Variants in SLC1A7 observed in about 807,000 individuals in gnomAD.
SLC1A7 encodes excitatory amino acid transporter 5.
In SLC1A7, 40 loss-of-function variants were observed where a neutral mutation model predicts 47.7. The observed-to-expected ratio is 0.84, with a 90% CI of 0.65 to 1.09. The LOEUF is 1.09. Ranked by LOEUF, SLC1A7 falls within the 50% of genes least tolerant of loss-of-function variation. The pLI, the probability that SLC1A7 is intolerant of heterozygous loss-of-function variation, is 0.00. For synonymous variants in SLC1A7, 323 were observed against 325.6 expected (o/e 0.99, Z 0.09); for missense variants, 746 against 769.5 (o/e 0.97, Z 0.36).
intron 1 of SLC1A7, among the ~76,000 whole-genome samples, chr1:53,135,978 G>C (rs1644988525): frequency 6.6e-6 from 1 of 151,866 alleles, no homozygotes; most frequent in Non-Finnish European, 1.5e-5. Context: ...GGGGACTCTT[G>C]AGATCTTCTA....
At chr1:53,110,556 T>C (rs1644691249) in intron 3 of SLC1A7, among the ~76,000 whole-genome samples, 1 of 152,144 alleles carries the variant, frequency 6.6e-6, no homozygotes, top group Non-Finnish European at 1.5e-5. Context: ...CACGTGTTTC[T>C]GATCTGGAGC....
intron 1 of SLC1A7, among the ~76,000 whole-genome samples, chr1:53,139,689 C>T (rs1284377642): frequency 1.3e-5 from 2 of 152,212 alleles, no homozygotes; most frequent in African/African-American, 4.8e-5. Context: ...ACTAAGATTC[C>T]AGCTTTCTGT....
chr1:53,096,387 AGGTACACTCACACGCCTCGCCTC>A (rs1644491039), intron 5 of SLC1A7, among the ~76,000 whole-genome samples: 2 of 125,284 alleles, frequency 1.6e-5, no homozygotes, highest in African/African-American at 6.2e-5. Context: ...CATCCCGCCT[AGGTACACTCACACGCCTCGCCTC>A]GGTACACTCA....
intron 3 of SLC1A7, among the ~76,000 whole-genome samples, chr1:53,113,168 T>C (rs915335844): frequency 2.0e-5 from 3 of 152,172 alleles, no homozygotes; most frequent in Non-Finnish European, 4.4e-5. Context: ...GACCAGGAAG[T>C]GAGAGGTACT....
At chr1:53,125,034 G>A (rs899944238) in intron 2 of SLC1A7, among the ~76,000 whole-genome samples, 2 of 152,144 alleles carry the variant, frequency 1.3e-5, no homozygotes, top group Admixed American at 6.5e-5. Context: ...TGGCCTGCTC[G>A]GGGAAGAATG....
At chr1:53,090,446 C>G (rs1644407333) in intron 8 of SLC1A7, 166 bp downstream of exon 8, 4 of 1,141,838 alleles carry the variant, frequency 3.5e-6, no homozygotes, top group African/African-American at 1.6e-5. Context: ...AATGCCCTCC[C>G]TCCCGGGCTG....
chr1:53,106,883 A>T (rs950459124), intron 3 of SLC1A7, among the ~76,000 whole-genome samples: 6 of 152,082 alleles, frequency 3.9e-5, no homozygotes, highest in African/African-American at 1.4e-4. Flanking sequence ...AGCTGGGCAC[A>T]GTAGTTCATG....
At chr1:53,093,592 G>C in intron 5 of SLC1A7, 32 bp from the exon 6 acceptor site, 4 of 1,542,824 alleles carry the variant, frequency 2.6e-6, no homozygotes, top group Non-Finnish European at 2.6e-6. Context: ...CTGTGGTAAA[G>C]CAGGGACAGA....
intron 7 of SLC1A7, 92 bp downstream of exon 7, chr1:53,092,462 G>A: frequency 1.1e-6 from 1 of 934,210 alleles, no homozygotes. Context: ...GCGTTTTGGT[G>A]GTTCTGTGGC....
In SLC1A7 at chr1:53,105,781, A is replaced by G. The variant is rs1403445338; in HGVS notation, c.432-7T>C. 6.2e-7 allele frequency: 1 copy of G among 1,612,950 alleles called. No individual in the cohort carries two copies. Among genetic ancestry groups the G allele is most frequent in the African/African-American group, 1.3e-5 (1 of 74,938 alleles). ...GTTGGCTGGGAACATGTTCCTAGGAAGAGAATCAGCAATTGAAAAATTCCA... is the reference window on the plus strand; with the variant it reads ...GTTGGCTGGGAACATGTTCCTAGGAGGAGAATCAGCAATTGAAAAATTCCA... On this transcript the variant is annotated splice_polypyrimidine_tract_variant and splice_region_variant and intron_variant, in intron 3 of 10. Coordinates refer to ENST00000371494, the MANE Select transcript of SLC1A7 (RefSeq NM_006671.6).
chr1:53,138,055 T>A lies in SLC1A7; in HGVS notation c.136-3626A>T, dbSNP rs147220843. Among the ~76,000 whole-genome samples, 321 of 152,368 alleles carry A rather than the reference T, an allele frequency of 2.1e-3. 1 individual carries two copies. The highest frequency in any genetic ancestry group is 3.9e-3 in the Non-Finnish European group (265 of 68,026). On this transcript the variant is annotated intron_variant, in intron 1 of 10. Coordinates refer to ENST00000371494, the MANE Select transcript of SLC1A7 (RefSeq NM_006671.6). ...AGTAAAAATGCCTTTATTCTACCTTTACCTCTGATATTAGCCTGGCCATGT... is the reference window on the plus strand; with the variant it reads ...AGTAAAAATGCCTTTATTCTACCTTAACCTCTGATATTAGCCTGGCCATGT...
chr1:53,110,309 A>T (rs1644688821), intron 3 of SLC1A7, among the ~76,000 whole-genome samples: 1 of 152,202 alleles, frequency 6.6e-6, no homozygotes, highest in Admixed American at 6.5e-5. Flanking sequence ...CAGGTCTCCT[A>T]GGTTCTGGTT....
At chr1:53,109,807 T>G (rs1157367641) in intron 3 of SLC1A7, among the ~76,000 whole-genome samples, 1 of 152,178 alleles carries the variant, frequency 6.6e-6, no homozygotes, top group Admixed American at 6.5e-5. Context: ...TGTCCTAAGA[T>G]GGTGGGCAGC....
chr1:53,109,574 C>T (rs1051415360), intron 3 of SLC1A7, among the ~76,000 whole-genome samples: 11 of 152,136 alleles, frequency 7.2e-5, no homozygotes, highest in African/African-American at 2.4e-4. Flanking sequence ...GCCTTATGTC[C>T]CCACGCAGTG....
At chr1:53,120,805 C>T (rs568970713) in intron 2 of SLC1A7, among the ~76,000 whole-genome samples, 8 of 152,366 alleles carry the variant, frequency 5.3e-5, no homozygotes, top group African/African-American at 1.4e-4. Flanking sequence ...GCCCAGTCCC[C>T]GCCTTCTTCT....
At chr1:53,107,189 A>G (rs6677094) in intron 3 of SLC1A7, among the ~76,000 whole-genome samples, 87,574 of 146,116 alleles carry the variant, frequency 0.6, 29,389 homozygotes, top group Non-Finnish European at 0.76. Context: ...AGGCAAAGAA[A>G]CCATAAAAAG....
intron 5 of SLC1A7, among the ~76,000 whole-genome samples, chr1:53,101,727 G>A (rs1298240782): frequency 8.2e-6 from 1 of 121,264 alleles, no homozygotes; most frequent in Non-Finnish European, 1.7e-5. Flanking sequence ...CTCACACAGT[G>A]TCAGTACACT....
intron 2 of SLC1A7, among the ~76,000 whole-genome samples, chr1:53,130,352 A>C (rs1027633408): frequency 1.3e-5 from 2 of 152,148 alleles, no homozygotes; most frequent in African/African-American, 2.4e-5. Context: ...GCCTGGTTCC[A>C]GGGCTTGGCA....
At chr1:53,133,979 T>C (rs1644966084) in intron 2 of SLC1A7, among the ~76,000 whole-genome samples, 1 of 152,196 alleles carries the variant, frequency 6.6e-6, no homozygotes, top group Admixed American at 6.5e-5. Flanking sequence ...AGCCAGGCTG[T>C]GATCACTGGA....
Sources: allele counts gnomAD v4.1 joint callset (sites outside exome capture counted in the v4.1 genomes callset), GRCh38; gene constraint gnomAD v4.1.1; transcripts MANE v1.5; gene names NCBI Gene and HGNC (gene_info 2026-07-23, HGNC 2026-07-21).